UGT8: variants seen among roughly 807,000 people sequenced by gnomAD.
The protein encoded by UGT8 is 2-hydroxyacylsphingosine 1-beta-galactosyltransferase.
Under a neutral mutation model 40.5 loss-of-function variants are expected in UGT8, and 12 were observed. The ratio of observed to expected loss-of-function variants is 0.30; its 90% CI spans 0.19 to 0.48. The LOEUF is 0.48. UGT8 is among the 20% of genes least tolerant of loss of function. UGT8 has a pLI of 0.99. For synonymous variants in UGT8, 224 were observed against 240.4 expected (o/e 0.93, Z 0.63); for missense variants, 513 against 648.7 (o/e 0.79, Z 2.27).
At chr4:114,658,986 C>G (rs557986157) in intron 2 of UGT8, among the ~76,000 whole-genome samples, 9 of 152,086 alleles carry the variant, frequency 5.9e-5, no homozygotes, top group Non-Finnish European at 1.0e-4. Context: ...GCTGCTTTAC[C>G]GGCTTAAGCT....
chr4:114,654,925 C>T (rs561831770), intron 2 of UGT8, among the ~76,000 whole-genome samples: 2 of 152,184 alleles, frequency 1.3e-5, no homozygotes, highest in South Asian at 4.1e-4. Flanking sequence ...TGGGAACATA[C>T]AGTCTGCCAC....
chr4:114,634,452 G>T (rs1384947728), intron 2 of UGT8, among the ~76,000 whole-genome samples: 1 of 152,112 alleles, frequency 6.6e-6, no homozygotes, highest in African/African-American at 2.4e-5. Context: ...GGAGGGAAGA[G>T]GAGTCTCCAA....
intron 2 of UGT8, among the ~76,000 whole-genome samples, chr4:114,628,684 A>G (rs944265829): frequency 6.7e-6 from 1 of 150,110 alleles, no homozygotes. Context: ...AGGAGTATTT[A>G]TGGCATCTTA....
At chr4:114,664,757 T>C (rs917380183) in intron 3 of UGT8, among the ~76,000 whole-genome samples, 4 of 152,190 alleles carry the variant, frequency 2.6e-5, no homozygotes, top group Non-Finnish European at 4.4e-5. Context: ...AAATCAGACG[T>C]GAACACTTTA....
rs77695673 is a variant in UGT8, at chr4:114,676,094, G to A, written c.1432G>A (p.Ala478Thr). 4.3e-6 allele frequency: 7 copies of A among 1,614,188 alleles called. No homozygotes were observed. The highest frequency in any genetic ancestry group is 5.9e-6 in the Non-Finnish European group (7 of 1,180,038). ...SFCQYFLLDIAFVLLLGAALL... is the reference protein window; with the variant it reads ...SFCQYFLLDITFVLLLGAALL... Reference sequence around the variant, plus strand: ...TTGTCAGTATTTTTTACTGGATATTGCCTTTGTGCTTTTGCTTGGTGCTGC... The same window carrying A: ...TTGTCAGTATTTTTTACTGGATATTACCTTTGTGCTTTTGCTTGGTGCTGC... The change falls in exon 6 of 6, where the codon GCC (alanine) becomes ACC (threonine). Residue 478 changes from alanine to threonine, a missense_variant. Coordinates refer to ENST00000310836, the MANE Select transcript of UGT8 (RefSeq NM_001128174.3).
At chr4:114,599,429 G>A (rs1435938560) in intron 1 of UGT8, among the ~76,000 whole-genome samples, 1 of 152,180 alleles carries the variant, frequency 6.6e-6, no homozygotes, top group African/African-American at 2.4e-5. Context: ...ACCAGGAGGA[G>A]CTTCGGGACC....
intron 2 of UGT8, among the ~76,000 whole-genome samples, chr4:114,630,689 G>A (rs923153861): frequency 6.6e-6 from 1 of 151,804 alleles, no homozygotes; most frequent in Non-Finnish European, 1.5e-5. Flanking sequence ...GTAGAAGGAC[G>A]ATGACAATTG....
chr4:114,643,985 C>G (rs747139406), intron 2 of UGT8, among the ~76,000 whole-genome samples: 2 of 152,124 alleles, frequency 1.3e-5, no homozygotes, highest in African/African-American at 4.8e-5. Context: ...ACAATTGCAG[C>G]GCCTACTACC....
In UGT8 at chr4:114,622,670, G is replaced by T. The variant is rs535038196; in HGVS notation, c.-2-209G>T. 23 of 487,242 alleles carry T rather than the reference G, an allele frequency of 4.7e-5. No individual in the cohort carries two copies. In the East Asian group the frequency reaches 7.6e-4, roughly 16 times the overall value. 30.2% of individuals were successfully genotyped at this position (487,242 alleles called of 1,614,324 possible). ...TGATATCTCATTGTGGTTTTGATTT[G>T]CATTTCTCTGATGGCCAGTGATGGT... is the stretch of plus-strand genomic sequence containing the variant. On this transcript the variant is annotated intron_variant, in intron 1 of 5. Coordinates refer to ENST00000310836, the MANE Select transcript of UGT8 (RefSeq NM_001128174.3).
At chr4:114,628,879 A>G (rs1732408010) in intron 2 of UGT8, among the ~76,000 whole-genome samples, 1 of 151,036 alleles carries the variant, frequency 6.6e-6, no homozygotes, top group Non-Finnish European at 1.5e-5. Context: ...GAGATTGAGC[A>G]ACAGAGTTAT....
chr4:114,648,104 A>G lies in UGT8; in HGVS notation c.823-15891A>G, dbSNP rs78003930. ...GTCCTTTGCCTAGTTGACTTTTCAT[A>G]TATAATAAAAGATTCCTTGTTTTGA... On this transcript the variant is annotated intron_variant, in intron 2 of 5. Transcript: ENST00000310836. Among the ~76,000 whole-genome samples the G allele has an allele frequency of 1.0e-3, 157 of 152,298 alleles. 3 individuals carry two copies. In the East Asian group the frequency reaches 0.022, roughly 22 times the overall value.
At chr4:114,675,110 C>G (rs1239123184) in intron 5 of UGT8, among the ~76,000 whole-genome samples, 1 of 152,032 alleles carries the variant, frequency 6.6e-6, no homozygotes, top group Non-Finnish European at 1.5e-5. Context: ...TCTTTTTTAT[C>G]TCTTTAATAA....
rs1396195889 is a variant in UGT8 at position 114,623,619 on chromosome 4, G to A, written c.739G>A (p.Ala247Thr). Residue 247 changes from alanine to threonine, a missense_variant, in exon 2 of 6, where the codon GCA becomes ACA. Transcript: ENST00000310836. ...CCTGTGGATGCTGTGTACTGACGTAGCACTGGAATTCCCAAGACCCACTCT... is the reference window on the plus strand; with the variant it reads ...CCTGTGGATGCTGTGTACTGACGTAACACTGGAATTCCCAAGACCCACTCT... ...SSLWMLCTDV[A>T]LEFPRPTLPN... 6.2e-7 allele frequency: 1 copy of A among 1,613,994 alleles called. No homozygotes were observed. Among genetic ancestry groups the A allele is most frequent in the Non-Finnish European group, 8.5e-7 (1 of 1,180,012 alleles).
chr4:114,609,932 CT>C (rs1730946121), intron 1 of UGT8, among the ~76,000 whole-genome samples: 1 of 152,016 alleles, frequency 6.6e-6, no homozygotes, highest in African/African-American at 2.4e-5. Context: ...AATAAGTAAC[CT>C]AATATATGCT....
At chr4:114,666,081 A>C (rs1169128349) in intron 4 of UGT8, among the ~76,000 whole-genome samples, 1 of 152,134 alleles carries the variant, frequency 6.6e-6, no homozygotes, top group Admixed American at 6.5e-5. Flanking sequence ...ATTATACCTA[A>C]TTAGAGTAAT....
chr4:114,656,972 A>G, intron 2 of UGT8: 1 of 346,944 alleles, frequency 2.9e-6, no homozygotes, highest in South Asian at 2.2e-5. Flanking sequence ...CATGGCTATC[A>G]AATAATCATT....
At chr4:114,632,211 C>G (rs1390662938) in intron 2 of UGT8, among the ~76,000 whole-genome samples, 5 of 152,144 alleles carry the variant, frequency 3.3e-5, no homozygotes, top group African/African-American at 1.2e-4. Context: ...AGTTAATTAG[C>G]TGGTTAACAG....
At chr4:114,659,905 T>C (rs560396594) in intron 2 of UGT8, among the ~76,000 whole-genome samples, 2 of 152,174 alleles carry the variant, frequency 1.3e-5, no homozygotes, top group Non-Finnish European at 2.9e-5. Context: ...TGGAACAGAA[T>C]AGAATTCAGA....
chr4:114,613,818 C>T (rs186722328), intron 1 of UGT8, among the ~76,000 whole-genome samples: 1 of 152,224 alleles, frequency 6.6e-6, no homozygotes, highest in Admixed American at 6.5e-5. Flanking sequence ...GACTTTGGAA[C>T]CTGTATTTTT....
Sources: allele counts gnomAD v4.1 joint callset (sites outside exome capture counted in the v4.1 genomes callset), GRCh38; gene constraint gnomAD v4.1.1; transcripts MANE v1.5; gene names NCBI Gene and HGNC (gene_info 2026-07-23, HGNC 2026-07-21).